The following KIAA0825 variants were observed in gnomAD, a reference collection of about 807,000 sequenced individuals.
KIAA0825 encodes KIAA0825, also known as uncharacterized protein KIAA0825.
In KIAA0825, 119 loss-of-function variants were observed where a neutral mutation model predicts 147.6. The observed-to-expected ratio is 0.81, with a 90% CI of 0.69 to 0.94. The LOEUF is 0.94. Among genes scored for constraint, KIAA0825 ranks in the 40% least tolerant of loss-of-function variants. The pLI is 0.00. For synonymous variants in KIAA0825, 470 were observed against 518.1 expected, an observed-to-expected ratio of 0.91 and a Z score of 1.26; for missense variants, 1,381 against 1,472.7, an observed-to-expected ratio of 0.94 and a Z score of 1.02.
At chr5:94,505,520 A>G (rs1765643975) in intron 5 of KIAA0825, among the ~76,000 whole-genome samples, 1 of 152,174 alleles carries the variant, frequency 6.6e-6, no homozygotes, top group South Asian at 2.1e-4. Context: ...CCACCAATAA[A>G]GATTAGATGA....
chr5:94,348,423 A>G (rs1351359594), intron 20 of KIAA0825, among the ~76,000 whole-genome samples: 1 of 152,162 alleles, frequency 6.6e-6, no homozygotes, highest in Non-Finnish European at 1.5e-5. Flanking sequence ...TAAAGGAAAA[A>G]CCTATCCGAT....
intron 14 of KIAA0825, among the ~76,000 whole-genome samples, chr5:94,421,319 T>TA (rs1223633417): frequency 6.6e-6 from 1 of 152,268 alleles, no homozygotes; most frequent in Non-Finnish European, 1.5e-5. Flanking sequence ...ACAGTGGCCT[T>TA]AGCCTTCTTC....
chr5:94,224,278 A>G (rs1236148697), intron 20 of KIAA0825, among the ~76,000 whole-genome samples: 3 of 150,458 alleles, frequency 2.0e-5, no homozygotes, highest in Non-Finnish European at 4.4e-5. Context: ...TATATTTTTA[A>G]TAAAGACTGG....
intron 20 of KIAA0825, among the ~76,000 whole-genome samples, chr5:94,226,850 C>A (rs1354432512): frequency 8.6e-5 from 13 of 151,986 alleles, no homozygotes; most frequent in Non-Finnish European, 1.9e-4. Flanking sequence ...CAATGAGATA[C>A]CATCTCACGC....
intron 10 of KIAA0825, among the ~76,000 whole-genome samples, chr5:94,466,547 G>T (rs985685845): frequency 6.6e-6 from 1 of 151,752 alleles, no homozygotes; most frequent in Non-Finnish European, 1.5e-5. Context: ...AAGAAACCCC[G>T]TCTCTACTAA....
At chr5:94,607,272 T>C (rs1025897006) in intron 1 of KIAA0825, among the ~76,000 whole-genome samples, 2 of 151,956 alleles carry the variant, frequency 1.3e-5, no homozygotes, top group African/African-American at 4.8e-5. Flanking sequence ...CAACAAAACA[T>C]TATATGTCAT....
At chr5:94,426,884 A>T (rs1194825864) in intron 14 of KIAA0825, among the ~76,000 whole-genome samples, 5 of 152,294 alleles carry the variant, frequency 3.3e-5, no homozygotes, top group African/African-American at 9.6e-5. Context: ...AAGAAATCTT[A>T]AATACCTTTT....
chr5:94,569,456 G>A (rs191835553), intron 2 of KIAA0825: 430 of 408,228 alleles, frequency 1.1e-3, no homozygotes, highest in African/African-American at 8.6e-3. Flanking sequence ...CAAAAATAAA[G>A]CATATGTCAT....
At chr5:94,284,111 T>G (rs987384315) in intron 20 of KIAA0825, among the ~76,000 whole-genome samples, 4 of 152,156 alleles carry the variant, frequency 2.6e-5, no homozygotes, top group African/African-American at 7.2e-5. Context: ...TATATAAAAA[T>G]TATTTATTTG....
chr5:94,196,336 C>G (rs1771126958), intron 20 of KIAA0825, among the ~76,000 whole-genome samples: 1 of 152,172 alleles, frequency 6.6e-6, no homozygotes, highest in Non-Finnish European at 1.5e-5. Flanking sequence ...AGGAATCCAA[C>G]TAAGTCATCA....
intron 20 of KIAA0825, among the ~76,000 whole-genome samples, chr5:94,352,747 A>T (rs1415277660): frequency 1.3e-5 from 2 of 152,246 alleles, no homozygotes; most frequent in Admixed American, 1.3e-4. Flanking sequence ...ATGCAGCCAT[A>T]AAAAGGAATG....
At chr5:94,589,353 T>A (rs1783921293) in intron 1 of KIAA0825, among the ~76,000 whole-genome samples, 1 of 152,236 alleles carries the variant, frequency 6.6e-6, no homozygotes, top group Admixed American at 6.5e-5. Flanking sequence ...TGTCTTTTCC[T>A]GCAGCAAAGT....
At chr5:94,355,053 G>A (rs751070052) in intron 20 of KIAA0825, among the ~76,000 whole-genome samples, 7 of 152,168 alleles carry the variant, frequency 4.6e-5, no homozygotes, top group Admixed American at 1.3e-4. Flanking sequence ...CCACGCTATA[G>A]GTAAATTTAA....
At chr5:94,155,983 G>A (rs1489114344) in intron 20 of KIAA0825, among the ~76,000 whole-genome samples, 3 of 151,946 alleles carry the variant, frequency 2.0e-5, no homozygotes, top group Non-Finnish European at 4.4e-5. Flanking sequence ...GGTGAAATTG[G>A]GTATCGCTAA....
intron 20 of KIAA0825, among the ~76,000 whole-genome samples, chr5:94,338,556 G>C (rs1782042919): frequency 6.6e-6 from 1 of 152,056 alleles, no homozygotes; most frequent in Non-Finnish European, 1.5e-5. Context: ...TATTTTTACT[G>C]TACTTTTTCT....
At chr5:94,328,551 T>C (rs978253500) in intron 20 of KIAA0825, among the ~76,000 whole-genome samples, 3 of 152,042 alleles carry the variant, frequency 2.0e-5, no homozygotes, top group Admixed American at 6.6e-5. Context: ...AAAATCAGCA[T>C]GTACTACTTT....
At chr5:94,284,783 G>C (rs550893474) in intron 20 of KIAA0825, among the ~76,000 whole-genome samples, 1 of 152,026 alleles carries the variant, frequency 6.6e-6, no homozygotes, top group African/African-American at 2.4e-5. Flanking sequence ...GTTACCCTCT[G>C]TGCAGCATCC....
intron 20 of KIAA0825, among the ~76,000 whole-genome samples, chr5:94,381,575 T>C (rs1748419683): frequency 6.6e-6 from 1 of 152,202 alleles, no homozygotes; most frequent in South Asian, 2.1e-4. Flanking sequence ...GGACTTGGCA[T>C]CTGTGGGATT....
rs29909 is a variant in KIAA0825, at chr5:94,417,355, G to A, written c.2508C>T (p.Ser836=). ...CTTGGTTCAGGTTATTTTCTGTGTCGGAAACTTGTTCTTGAAAGGTACGTT... is the reference window on the plus strand; with the variant it reads ...CTTGGTTCAGGTTATTTTCTGTGTCAGAAACTTGTTCTTGAAAGGTACGTT... ...RILLKSSKQV[S]DTENNLNQGP... The change falls in exon 15 of 21, where the codon TCC becomes TCT. Residue 836 remains serine, a synonymous_variant. Coordinates refer to ENST00000682413, the MANE Select transcript of KIAA0825 (RefSeq NM_001145678.3). The A allele has an allele frequency of 2.0e-3, 3,083 of 1,541,882 alleles. 105 individuals carry two copies. In the East Asian group the frequency reaches 0.055, roughly 28 times the overall value.
Sources: gnomAD v4.1 joint callset for allele counts (sites outside exome capture counted in the v4.1 genomes callset) on GRCh38, gnomAD v4.1.1 for gene constraint, MANE v1.5 for transcripts, NCBI Gene and HGNC (gene_info 2026-07-23, HGNC 2026-07-21) for gene names.